HTR3A: variants seen among roughly 807,000 people sequenced by gnomAD.
The protein encoded by HTR3A is 5-hydroxytryptamine receptor 3A.
HTR3A carries 45 observed loss-of-function variants against 54.8 expected under a neutral mutation model. The observed-to-expected ratio is 0.82, with a 90% confidence interval of 0.65 to 1.05. The LOEUF (loss-of-function observed/expected upper bound fraction) is 1.05, where lower values mean the gene tolerates loss of function less well. Ranked by LOEUF, HTR3A falls within the 50% of genes least tolerant of loss-of-function variation. The probability of loss-of-function intolerance (pLI) is 0.00; values close to 1 mark genes in which losing one functional copy is unlikely to be tolerated. For synonymous variants in HTR3A, 297 were observed against 256.0 expected (o/e 1.16, Z -1.53); for missense variants, 657 against 614.0 (o/e 1.07, Z -0.74).
chr11:113,987,856 C>G (rs538301538), intron 8 of HTR3A, among the ~76,000 whole-genome samples: 1 of 152,208 alleles, frequency 6.6e-6, no homozygotes, highest in Non-Finnish European at 1.5e-5. Context: ...GTTATAGCTA[C>G]CATTTGTTGT....
At chr11:113,983,579 C>T (rs1043759560) in intron 5 of HTR3A, among the ~76,000 whole-genome samples, 11 of 152,172 alleles carry the variant, frequency 7.2e-5, no homozygotes, top group African/African-American at 2.7e-4. Flanking sequence ...CACACATACA[C>T]ATCTATGGAA....
chr11:113,977,536 T>C, intron 1 of HTR3A: 2 of 1,551,216 alleles, frequency 1.3e-6, no homozygotes, highest in Non-Finnish European at 8.7e-7. Flanking sequence ...AAGCCAGATC[T>C]CTGCTTTCCT....
chr11:113,988,752 A>AGAC (rs538032892), intron 8 of HTR3A, among the ~76,000 whole-genome samples: 14 of 152,014 alleles, frequency 9.2e-5, no homozygotes, highest in Non-Finnish European at 1.5e-4. Context: ...CGAGAGAGTG[A>AGAC]GACTTGGTCT....
intron 2 of HTR3A, among the ~76,000 whole-genome samples, chr11:113,978,465 C>T (rs1361776997): frequency 6.6e-6 from 1 of 152,064 alleles, no homozygotes; most frequent in East Asian, 1.9e-4. Context: ...TAAGCAGGAC[C>T]CAACTTCACA....
In HTR3A at chr11:113,977,850, G is replaced by A; in HGVS notation, c.147G>A (p.Val49=). ...TTTTGACCAACTACAGGAAGGGTGTGCGCCCCGTGAGGGACTGGAGGAAGC... is the reference window on the plus strand; with the variant it reads ...TTTTGACCAACTACAGGAAGGGTGTACGCCCCGTGAGGGACTGGAGGAAGC... ...DYLLTNYRKG[V]RPVRDWRKPT... The change falls in exon 2 of 9, where the codon GTG becomes GTA. Residue 49 remains valine, a synonymous_variant. Coordinates refer to ENST00000504030, the MANE Select transcript of HTR3A (RefSeq NM_000869.6). The A allele has an allele frequency of 6.2e-7, 1 of 1,614,198 alleles. No individual in the cohort carries two copies. The highest frequency in any genetic ancestry group is 8.5e-7 in the Non-Finnish European group (1 of 1,180,034).
At position 113,986,061 on chromosome 11, in the gene HTR3A, A is replaced by G. The variant is rs1183858832; in HGVS notation, c.591A>G (p.Lys197=). The G allele has an allele frequency of 6.2e-7, 1 of 1,614,078 alleles. No individual in the cohort carries two copies. The highest frequency in any genetic ancestry group is 1.7e-5 in the Admixed American group (1 of 60,006). The change falls in exon 6 of 9, where the codon AAA becomes AAG. Residue 197 remains lysine (K), a synonymous_variant. Transcript: ENST00000504030. ...ISLWRLPEKV[K]SDRSVFMNQG... is the part of the protein sequence containing the mutation. ...TGTGGCGCTTGCCAGAAAAGGTGAA[A>G]TCCGACAGGAGTGTCTTCATGAACC... is the stretch of plus-strand genomic sequence containing the variant.
At chr11:113,976,714 G>A (rs1236009534) in intron 1 of HTR3A, among the ~76,000 whole-genome samples, 2 of 142,658 alleles carry the variant, frequency 1.4e-5, no homozygotes, top group African/African-American at 2.7e-5. Flanking sequence ...TGTTGTACAG[G>A]TTGCACACTA....
In HTR3A at chr11:113,977,731, T is replaced by TG. The variant is rs768993786; in HGVS notation, c.68-34dup. 1.8e-4 allele frequency: 297 copies of TG among 1,607,906 alleles called. 2 individuals are homozygous for TG. Among genetic ancestry groups the TG allele is most frequent in the Admixed American group, 1.7e-5 (1 of 58,888 alleles). On this transcript the variant is annotated intron_variant, in intron 1 of 8. Transcript: ENST00000504030. ...AGGACAAGAGAACCGGGGGAAGTCTTGGGGGGCTGGTGTCTACTTTGAACT... is the reference window on the plus strand; with the variant it reads ...AGGACAAGAGAACCGGGGGAAGTCTTGGGGGGGCTGGTGTCTACTTTGAACT...
At chr11:113,976,773 A>T (rs987529873) in intron 1 of HTR3A, among the ~76,000 whole-genome samples, 1 of 148,364 alleles carries the variant, frequency 6.7e-6, no homozygotes. Flanking sequence ...CCTTGCCAGC[A>T]CCTGGTTAGT....
chr11:113,987,110 T>C lies in HTR3A; in HGVS notation c.1138+64T>C, dbSNP rs186735451. ...CTTCTGGCTTGGATGTTGTGGAAAG[T>C]CTCTGGAGGGCGTGGCCTGCCAAGG... On this transcript the variant is annotated intron_variant, in intron 8 of 8. Coordinates refer to ENST00000504030, the MANE Select transcript of HTR3A (RefSeq NM_000869.6). 1,267 of 1,553,358 alleles carry C rather than the reference T, an allele frequency of 8.2e-4. 7 individuals are homozygous for C. In the African/African-American group the frequency reaches 0.015, roughly 19 times the overall value.
intron 5 of HTR3A, among the ~76,000 whole-genome samples, chr11:113,984,979 A>G (rs1950472222): frequency 6.6e-6 from 1 of 152,172 alleles, no homozygotes; most frequent in South Asian, 2.1e-4. Flanking sequence ...CATTACCTTA[A>G]ACTTAAGTTA....
chr11:113,978,093 A>G (rs1950376388), intron 2 of HTR3A, among the ~76,000 whole-genome samples, 171 bp downstream of exon 2: 1 of 152,034 alleles, frequency 6.6e-6, no homozygotes, highest in African/African-American at 2.4e-5. Context: ...AGCTGCCCAA[A>G]CCAGAAACCT....
In HTR3A at chr11:113,989,570, T is replaced by C. The variant is rs751985883; in HGVS notation, c.1244T>C (p.Val415Ala). 2 of 1,614,018 alleles carry C rather than the reference T, an allele frequency of 1.2e-6. No homozygotes were observed. The highest frequency in any genetic ancestry group is 1.7e-6 in the Non-Finnish European group (2 of 1,180,018). Residue 415 changes from valine to alanine, a missense_variant, in exon 9 of 9, where the codon GTG becomes GCG. By Grantham distance (64) the Val-to-Ala change is moderately conservative. Transcript: ENST00000504030. The surrounding 1 kb of genome is among the most constrained non-coding windows in gnomAD (Gnocchi z 4.4). ...CCACCTCGGGAGGCCTCGCTGGCGGTGTGTGGGCTGCTGCAGGAGCTGTCC... is the reference window on the plus strand; with the variant it reads ...CCACCTCGGGAGGCCTCGCTGGCGGCGTGTGGGCTGCTGCAGGAGCTGTCC... ...PPPPREASLAVCGLLQELSSI... is the reference protein window; with the variant it reads ...PPPPREASLAACGLLQELSSI...
intron 2 of HTR3A, 137 bp downstream of exon 2, chr11:113,978,059 G>A (rs1591600390): frequency 9.6e-7 from 1 of 1,044,424 alleles, no homozygotes; most frequent in East Asian, 2.5e-5. Context: ...CACAGCTCAG[G>A]ATGGATTGTA....
In HTR3A at chr11:113,990,218, T is replaced by C. The variant is rs867732785; in HGVS notation, c.*455T>C. On this transcript the variant is annotated 3_prime_UTR_variant, in exon 9 of 9. Coordinates refer to ENST00000504030, the MANE Select transcript of HTR3A (RefSeq NM_000869.6). ...CGAGGCTTCTCTAACCCCTAGTGTC[T>C]TTTTTTTCTTCACCTCACTTGTGGC... is the stretch of plus-strand genomic sequence containing the variant. 2.2e-6 allele frequency: 1 copy of C among 454,538 alleles called. No individual in the cohort carries two copies. Among genetic ancestry groups the C allele is most frequent in the East Asian group, 6.9e-5 (1 of 14,426 alleles). 28.2% of individuals were successfully genotyped at this position (454,538 alleles called of 1,614,324 possible).
Position 113,989,425 on chromosome 11 carries a change from G to C in HTR3A, c.1139-40G>C. 5.6e-6 allele frequency: 9 copies of C among 1,610,882 alleles called. No individual in the cohort carries two copies. The highest frequency in any genetic ancestry group is 7.6e-6 in the Non-Finnish European group (9 of 1,178,140). On this transcript the variant is annotated intron_variant, in intron 8 of 8. Transcript: ENST00000504030. This position sits in a 1 kb window ranked among gnomAD's most constrained non-coding sequence, Gnocchi z 4.4. Reference sequence around the variant, plus strand: ...AGGAACCATGTTCAGGTCACCACCCGGGGTCTCCCTCTCTTGCCAATGCCC... The same window carrying C: ...AGGAACCATGTTCAGGTCACCACCCCGGGTCTCCCTCTCTTGCCAATGCCC...
At chr11:113,988,081 G>C (rs934382764) in intron 8 of HTR3A, among the ~76,000 whole-genome samples, 14 of 152,202 alleles carry the variant, frequency 9.2e-5, no homozygotes, top group African/African-American at 3.4e-4. Context: ...CTGACTCTAA[G>C]CTTCTCTTTC....
chr11:113,977,550 A>G, intron 1 of HTR3A: 1 of 1,550,248 alleles, frequency 6.5e-7, no homozygotes, highest in East Asian at 2.4e-5. Context: ...CTTTCCTGTC[A>G]ATGAATGCAT....
chr11:113,989,198 GA>G lies in HTR3A; in HGVS notation c.1139-252del, dbSNP rs11325987. 0.67 allele frequency among the ~76,000 whole-genome samples: 96,101 copies of G among 144,390 alleles called. 33,916 individuals are homozygous for G. Among genetic ancestry groups the G allele is most frequent in the Non-Finnish European group, 0.79 (52,106 of 65,994 alleles). 94.7% of individuals were successfully genotyped at this position (144,390 alleles called of 152,430 possible). A position where few individuals can be genotyped will look rare whatever the true frequency, so the allele number is the denominator to read the frequency against. On this transcript the variant is annotated intron_variant, in intron 8 of 8. Coordinates refer to ENST00000504030, the MANE Select transcript of HTR3A (RefSeq NM_000869.6). This position sits in a 1 kb window ranked among gnomAD's most constrained non-coding sequence, Gnocchi z 4.4. ...AACGTGGTGAAATCCAGTTTCTATTGAAAAAAAAAAAAAAATTAGCCAGGTG... is the reference window on the plus strand; with the variant it reads ...AACGTGGTGAAATCCAGTTTCTATTGAAAAAAAAAAAAAATTAGCCAGGTG...
Sources: gnomAD v4.1 joint callset for allele counts (sites outside exome capture counted in the v4.1 genomes callset) on GRCh38, gnomAD v4.1.1 for gene constraint, Gnocchi (gnomAD v3.1) non-coding constraint, MANE v1.5 for transcripts, NCBI Gene and HGNC (gene_info 2026-07-23, HGNC 2026-07-21) for gene names.